THSD7A: variants seen among roughly 807,000 people sequenced by gnomAD.
The protein encoded by THSD7A is thrombospondin type-1 domain-containing protein 7A.
In THSD7A, 96 loss-of-function variants were observed where a neutral mutation model predicts 231.3. The observed-to-expected ratio is 0.41, with a 90% CI of 0.35 to 0.49. The LOEUF (loss-of-function observed/expected upper bound fraction) is 0.49. THSD7A is among the 20% of genes least tolerant of loss of function. The pLI, the probability that THSD7A is intolerant of heterozygous loss-of-function variation, is 0.05. For synonymous variants in THSD7A, 940 were observed against 743.3 expected (o/e 1.26, Z -4.30); for missense variants, 2,290 against 2,070.2 (o/e 1.11, Z -2.06).
At chr7:11,615,559 G>A (rs1010550468) in intron 2 of THSD7A, among the ~76,000 whole-genome samples, 40 of 152,236 alleles carry the variant, frequency 2.6e-4, no homozygotes, top group Non-Finnish European at 1.3e-4. Context: ...GTTTTCTAAT[G>A]AATTCACCTA....
intron 11 of THSD7A, among the ~76,000 whole-genome samples, chr7:11,448,068 T>C (rs1480591840): frequency 6.6e-6 from 1 of 152,124 alleles, no homozygotes; most frequent in Non-Finnish European, 1.5e-5. Flanking sequence ...ATCTCCTCTT[T>C]CTACAAGTTC....
At chr7:11,456,904 T>C (rs1785327287) in intron 11 of THSD7A, among the ~76,000 whole-genome samples, 1 of 152,070 alleles carries the variant, frequency 6.6e-6, no homozygotes, top group African/African-American at 2.4e-5. Flanking sequence ...AATCATACAA[T>C]GGTAAAGTTA....
chr7:11,757,023 G>A (rs919601610), intron 1 of THSD7A, among the ~76,000 whole-genome samples: 17 of 151,772 alleles, frequency 1.1e-4, no homozygotes, highest in African/African-American at 4.1e-4. Context: ...GCCATAGTGT[G>A]TCTAATTAAA....
Position 11,507,525 on chromosome 7 carries a change from T to G in THSD7A, c.1823-25543A>C, listed in dbSNP as rs562215211. The stretch of plus-strand genomic sequence containing the variant: ...GAAATAAGTAACAAAAATATTATCC[T>G]TATTTAGGATTATTTAATCCAGGTA... On this transcript the variant is annotated intron_variant, in intron 6 of 27. Coordinates refer to ENST00000423059, the MANE Select transcript of THSD7A (RefSeq NM_015204.3). Among the ~76,000 whole-genome samples, 214 of 152,148 alleles carry G rather than the reference T, an allele frequency of 1.4e-3. 1 individual carries two copies. The highest frequency in any genetic ancestry group is 5.0e-3 in the African/African-American group (207 of 41,532).
At chr7:11,555,930 C>T (rs1789826119) in intron 4 of THSD7A, among the ~76,000 whole-genome samples, 1 of 151,718 alleles carries the variant, frequency 6.6e-6, no homozygotes, top group Non-Finnish European at 1.5e-5. Flanking sequence ...TCATGACACA[C>T]AGTTTCTCAT....
intron 4 of THSD7A, among the ~76,000 whole-genome samples, chr7:11,558,960 G>A (rs117437233): frequency 2.8e-5 from 4 of 141,356 alleles, no homozygotes; most frequent in Non-Finnish European, 4.7e-5. Flanking sequence ...TCTCGAGTGC[G>A]TTAGAAAGAT....
chr7:11,548,126 G>GA (rs1789474851), intron 4 of THSD7A, among the ~76,000 whole-genome samples: 1 of 151,800 alleles, frequency 6.6e-6, no homozygotes, highest in African/African-American at 2.4e-5. Flanking sequence ...GACTAATAAA[G>GA]AAAAAAGAGA....
chr7:11,443,579 T>C lies in THSD7A; in HGVS notation c.3064+2482A>G, dbSNP rs534460717. Among the ~76,000 whole-genome samples, 5 of 152,164 alleles carry C rather than the reference T, an allele frequency of 3.3e-5. No homozygotes were observed. The South Asian group carries it at 1.0e-3, about 32-fold the overall frequency. On this transcript the variant is annotated intron_variant, in intron 13 of 27. Coordinates refer to ENST00000423059, the MANE Select transcript of THSD7A (RefSeq NM_015204.3). ...ACTTATATGCAGAGCTTCAATATTA[T>C]GGAGTCTTTGGAGTTCACATCATTA...
At chr7:11,541,917 T>C (rs1010695689) in intron 5 of THSD7A, among the ~76,000 whole-genome samples, 2 of 142,890 alleles carry the variant, frequency 1.4e-5, no homozygotes, top group African/African-American at 5.2e-5. Context: ...ATCTCCCTTG[T>C]AGGGCGTAGA....
intron 4 of THSD7A, among the ~76,000 whole-genome samples, chr7:11,588,959 G>A (rs1259927969): frequency 6.6e-6 from 1 of 152,188 alleles, no homozygotes; most frequent in African/African-American, 2.4e-5. Flanking sequence ...AGTGGATACA[G>A]AACAATTAAA....
chr7:11,405,867 C>T (rs1783564387), intron 22 of THSD7A, among the ~76,000 whole-genome samples: 1 of 152,116 alleles, frequency 6.6e-6, no homozygotes, highest in Non-Finnish European at 1.5e-5. Context: ...GTTGTTCATT[C>T]TACCCTGGAC....
chr7:11,508,328 G>A (rs1000203296), intron 6 of THSD7A, among the ~76,000 whole-genome samples: 4 of 152,098 alleles, frequency 2.6e-5, no homozygotes, highest in Admixed American at 6.5e-5. Context: ...AATGTTCAGT[G>A]TCACTAATCA....
intron 6 of THSD7A, among the ~76,000 whole-genome samples, chr7:11,528,313 T>G (rs1235325395): frequency 6.6e-6 from 1 of 152,190 alleles, no homozygotes; most frequent in Non-Finnish European, 1.5e-5. Flanking sequence ...CTCCAATGTC[T>G]CTTTTAATTA....
At chr7:11,615,320 A>ACAGT (rs1312856064) in intron 2 of THSD7A, among the ~76,000 whole-genome samples, 1 of 152,156 alleles carries the variant, frequency 6.6e-6, no homozygotes, top group Non-Finnish European at 1.5e-5. Flanking sequence ...AAGATATTGA[A>ACAGT]CAGTCAGTGG....
At chr7:11,518,464 A>T (rs145189280) in intron 6 of THSD7A, among the ~76,000 whole-genome samples, 38 of 152,300 alleles carry the variant, frequency 2.5e-4, no homozygotes, top group African/African-American at 8.9e-4. Flanking sequence ...ATGCTTTGGT[A>T]AGTGCCAGGC....
chr7:11,778,931 T>C (rs936285817), intron 1 of THSD7A, among the ~76,000 whole-genome samples: 15 of 152,286 alleles, frequency 9.8e-5, no homozygotes, highest in African/African-American at 3.4e-4. Context: ...ATACTTTATC[T>C]TATTTTATTC....
intron 1 of THSD7A, among the ~76,000 whole-genome samples, chr7:11,822,276 C>T (rs114976301): frequency 2.3e-4 from 35 of 152,246 alleles, no homozygotes; most frequent in African/African-American, 7.7e-4. Context: ...TTTACCACCA[C>T]TTATGAATCA....
intron 20 of THSD7A, 82 bp from the exon 21 acceptor site, chr7:11,407,137 G>A: frequency 1.3e-6 from 2 of 1,544,638 alleles, no homozygotes; most frequent in Non-Finnish European, 1.8e-6. Context: ...AGGCATCACA[G>A]TGATATCTCC....
At chr7:11,821,900 T>G (rs1465832712) in intron 1 of THSD7A, among the ~76,000 whole-genome samples, 1 of 152,194 alleles carries the variant, frequency 6.6e-6, no homozygotes, top group African/African-American at 2.4e-5. Context: ...TACTAAACTG[T>G]AAAATAACAA....
Sources: allele counts gnomAD v4.1 joint callset (sites outside exome capture counted in the v4.1 genomes callset), GRCh38; gene constraint gnomAD v4.1.1; transcripts MANE v1.5; gene names NCBI Gene and HGNC (gene_info 2026-07-23, HGNC 2026-07-21).